The following ATG10 variants were observed in gnomAD, a reference collection of about 807,000 sequenced individuals.
ATG10 encodes autophagy related 10.
A neutral mutation model predicts 32.1 loss-of-function variants in ATG10; 30 were observed. The ratio of observed to expected loss-of-function variants is 0.94; its 90% CI spans 0.70 to 1.27. The LOEUF is 1.27. Ranked by LOEUF, ATG10 falls within the 50% of genes most tolerant of loss-of-function variation. The pLI, the probability that ATG10 is intolerant of heterozygous loss-of-function variation, is 0.00. For synonymous variants in ATG10, 87 were observed against 91.5 expected (o/e 0.95, Z 0.28); for missense variants, 233 against 262.3 (o/e 0.89, Z 0.77).
At chr5:82,174,374 A>G (rs2149916090) in intron 4 of ATG10, among the ~76,000 whole-genome samples, 1 of 152,164 alleles carries the variant, frequency 6.6e-6, no homozygotes, top group East Asian at 1.9e-4. Context: ...CACAGAGGAA[A>G]AGCAAAATTA....
At chr5:82,043,249 C>A (rs1209079436) in intron 2 of ATG10, among the ~76,000 whole-genome samples, 1 of 152,232 alleles carries the variant, frequency 6.6e-6, no homozygotes, top group Admixed American at 6.5e-5. Flanking sequence ...AGCCGTGGCC[C>A]TAGCTGTACC....
chr5:82,029,573 G>C (rs1048433610), intron 2 of ATG10, among the ~76,000 whole-genome samples: 2 of 152,184 alleles, frequency 1.3e-5, no homozygotes, highest in African/African-American at 4.8e-5. Context: ...AGTATAACTT[G>C]TCTGTGTCTT....
intron 2 of ATG10, among the ~76,000 whole-genome samples, chr5:81,996,066 A>G (rs1437828721): frequency 1.3e-5 from 2 of 152,216 alleles, no homozygotes; most frequent in African/African-American, 4.8e-5. Flanking sequence ...AATTTATTTT[A>G]CTAAATCAAT....
chr5:82,180,635 C>T (rs938992656), intron 5 of ATG10, among the ~76,000 whole-genome samples: 6 of 151,910 alleles, frequency 3.9e-5, no homozygotes, highest in African/African-American at 1.5e-4. Flanking sequence ...TCCACAAGAC[C>T]CAGAAAATGT....
intron 2 of ATG10, among the ~76,000 whole-genome samples, chr5:81,993,360 CTTCTTTTCTT>C (rs1420358116): frequency 2.1e-5 from 1 of 46,772 alleles, no homozygotes; most frequent in African/African-American, 9.1e-5. Context: ...TCTTTCTTTC[CTTCTTTTCTT>C]TTCTTTTCTT....
At chr5:82,138,646 A>C (rs777017290) in intron 3 of ATG10, among the ~76,000 whole-genome samples, 1 of 152,188 alleles carries the variant, frequency 6.6e-6, no homozygotes, top group African/African-American at 2.4e-5. Context: ...TGGGAGCAGC[A>C]GACTGGAGCT....
At chr5:82,253,601 C>T (rs867312902) in intron 7 of ATG10, among the ~76,000 whole-genome samples, 172 bp downstream of exon 7, 2 of 152,250 alleles carry the variant, frequency 1.3e-5, no homozygotes, top group South Asian at 4.1e-4. Context: ...GACAGGGATC[C>T]CCAAATCCCA....
At chr5:82,243,263 G>A (rs1746876955) in intron 5 of ATG10, among the ~76,000 whole-genome samples, 1 of 151,808 alleles carries the variant, frequency 6.6e-6, no homozygotes, top group Non-Finnish European at 1.5e-5. Context: ...AAAAGAAAAG[G>A]AAAGGAAGAA....
At chr5:82,020,413 A>G (rs1242297058) in intron 2 of ATG10, among the ~76,000 whole-genome samples, 1 of 152,238 alleles carries the variant, frequency 6.6e-6, no homozygotes, top group African/African-American at 2.4e-5. Flanking sequence ...CTAAAAAGTT[A>G]CGGACTGGGA....
chr5:82,042,018 T>C (rs2149728652), intron 2 of ATG10, among the ~76,000 whole-genome samples: 1 of 152,278 alleles, frequency 6.6e-6, no homozygotes, highest in East Asian at 1.9e-4. Context: ...TTCTGGAACA[T>C]GTAAGAGTAT....
chr5:82,139,807 A>G (rs1429254119), intron 3 of ATG10, among the ~76,000 whole-genome samples: 1 of 114,694 alleles, frequency 8.7e-6, no homozygotes, highest in African/African-American at 3.4e-5. Flanking sequence ...GGAGCCCCTC[A>G]GCCCGGCCAG....
chr5:82,174,577 A>T (rs1671639582), intron 4 of ATG10, among the ~76,000 whole-genome samples: 1 of 152,216 alleles, frequency 6.6e-6, no homozygotes, highest in African/African-American at 2.4e-5. Flanking sequence ...CCTTTGATTT[A>T]AACCTATTTG....
At chr5:81,983,632 GC>G (rs1248404955) in intron 1 of ATG10, among the ~76,000 whole-genome samples, 5 of 150,474 alleles carry the variant, frequency 3.3e-5, no homozygotes, top group Non-Finnish European at 3.0e-5. Context: ...GGCTGGCCGG[GC>G]GGGGGGGCTG....
intron 5 of ATG10, among the ~76,000 whole-genome samples, chr5:82,194,933 C>T (rs1744795522): frequency 6.6e-6 from 1 of 152,174 alleles, no homozygotes; most frequent in Non-Finnish European, 1.5e-5. Flanking sequence ...ATTAAGCTAA[C>T]CTAGCTAACT....
intron 5 of ATG10, among the ~76,000 whole-genome samples, chr5:82,239,272 G>A (rs551677811): frequency 1.4e-4 from 22 of 152,232 alleles, no homozygotes; most frequent in African/African-American, 4.8e-4. Context: ...GGCAGCATAT[G>A]CCAGTAATAA....
In ATG10 at chr5:82,009,635, G is replaced by A. The variant is rs1048598784; in HGVS notation, c.108+21957G>A. 5.7e-6 allele frequency: 9 copies of A among 1,592,024 alleles called. No homozygotes were observed. The African/African-American group carries it at 1.2e-4, about 21-fold the overall frequency. On this transcript the variant is annotated intron_variant, in intron 2 of 7. Coordinates refer to ENST00000282185, the MANE Select transcript of ATG10 (RefSeq NM_031482.5). ...CACAGTCAGCAATGGTGATCTTCTT[G>A]CTGGTCTTGCCATTCCTGGACCCAA...
At chr5:82,198,403 C>T (rs910727693) in intron 5 of ATG10, among the ~76,000 whole-genome samples, 4 of 152,142 alleles carry the variant, frequency 2.6e-5, no homozygotes, top group African/African-American at 9.7e-5. Flanking sequence ...GTTGGGATTA[C>T]AGGTGTGCAC....
chr5:82,139,650 C>A (rs1581732146), intron 3 of ATG10, among the ~76,000 whole-genome samples: 2 of 147,422 alleles, frequency 1.4e-5, no homozygotes, highest in South Asian at 2.2e-4. Flanking sequence ...GCCCAGCAGC[C>A]ACCCCATCTG....
intron 3 of ATG10, 80 bp from the exon 4 acceptor site, chr5:82,164,319 A>T: frequency 7.4e-7 from 1 of 1,353,210 alleles, no homozygotes. Context: ...TTGTGAGAAG[A>T]AAATCTCCTC....
Sources: gnomAD v4.1 joint callset for allele counts (sites outside exome capture counted in the v4.1 genomes callset) on GRCh38, gnomAD v4.1.1 for gene constraint, MANE v1.5 for transcripts, NCBI Gene and HGNC (gene_info 2026-07-23, HGNC 2026-07-21) for gene names.